Variants in TTLL5 observed in about 807,000 individuals in gnomAD.
TTLL5 encodes the protein tubulin tyrosine ligase like 5.
In TTLL5, 132 loss-of-function variants were observed where a neutral mutation model predicts 168.4. The observed-to-expected ratio is 0.78, with a 90% CI of 0.68 to 0.91. The LOEUF (loss-of-function observed/expected upper bound fraction) is 0.91, where lower values mean the gene tolerates loss of function less well. Ranked by LOEUF, TTLL5 falls within the 40% of genes least tolerant of loss-of-function variation. The pLI is 0.00. For missense variants in TTLL5, 1,545 were observed against 1,581.5 expected (o/e 0.98, Z 0.39); for synonymous variants, 546 against 558.6 (o/e 0.98, Z 0.32).
intron 30 of TTLL5, among the ~76,000 whole-genome samples, chr14:75,889,462 TC>T (rs1280930638): frequency 6.6e-6 from 1 of 152,186 alleles, no homozygotes; most frequent in Non-Finnish European, 1.5e-5. Flanking sequence ...CTGGAACGTT[TC>T]AATTAAGTCC....
intron 9 of TTLL5, among the ~76,000 whole-genome samples, chr14:75,716,778 CTCTT>C (rs752793017): frequency 2.6e-5 from 4 of 152,204 alleles, no homozygotes; most frequent in African/African-American, 7.2e-5. Flanking sequence ...GGAAAGTTCT[CTCTT>C]TCCCTGGTTA....
At chr14:75,744,052 G>A (rs548015200) in intron 15 of TTLL5, among the ~76,000 whole-genome samples, 23 of 152,198 alleles carry the variant, frequency 1.5e-4, no homozygotes, top group South Asian at 1.2e-3. Flanking sequence ...CCATAACAAC[G>A]GGTGTTGCTA....
At chr14:75,722,312 C>T (rs1887891721) in intron 12 of TTLL5, among the ~76,000 whole-genome samples, 1 of 152,046 alleles carries the variant, frequency 6.6e-6, no homozygotes, top group Non-Finnish European at 1.5e-5. Context: ...GTGGCATGAT[C>T]ACCGTTCACT....
At chr14:75,671,704 A>G (rs904802625) in intron 3 of TTLL5, among the ~76,000 whole-genome samples, 1 of 152,230 alleles carries the variant, frequency 6.6e-6, no homozygotes, top group Admixed American at 6.5e-5. Context: ...GCTAGTGTAT[A>G]GAAATACACC....
At chr14:75,931,140 G>T (rs763539090) in intron 31 of TTLL5, among the ~76,000 whole-genome samples, 2 of 152,114 alleles carry the variant, frequency 1.3e-5, no homozygotes, top group African/African-American at 4.8e-5. Context: ...GCACAATTCT[G>T]GGGCACCATA....
At chr14:75,750,267 T>C (rs1261291338) in intron 17 of TTLL5, among the ~76,000 whole-genome samples, 1 of 151,938 alleles carries the variant, frequency 6.6e-6, no homozygotes, top group Non-Finnish European at 1.5e-5. Flanking sequence ...TACAGCAGGG[T>C]GGACTTGACC....
chr14:75,920,395 A>G (rs1466545642), intron 31 of TTLL5, among the ~76,000 whole-genome samples: 2 of 151,854 alleles, frequency 1.3e-5, no homozygotes, highest in Non-Finnish European at 2.9e-5. Flanking sequence ...TTCCTCCCCC[A>G]GTTCCCCACC....
At chr14:75,701,918 C>T (rs1886304194) in intron 7 of TTLL5, among the ~76,000 whole-genome samples, 2 of 152,154 alleles carry the variant, frequency 1.3e-5, no homozygotes, top group African/African-American at 4.8e-5. Context: ...TTCTGTCCTT[C>T]CACTGGAACT....
chr14:75,743,575 C>CTTTTT lies in TTLL5; in HGVS notation c.1282-1500_1282-1496dup, dbSNP rs33959405. 3.0e-3 allele frequency among the ~76,000 whole-genome samples: 189 copies of CTTTTT among 63,096 alleles called. 7 individuals are homozygous for CTTTTT. Among genetic ancestry groups the CTTTTT allele is most frequent in the African/African-American group, 4.2e-3 (60 of 14,416 alleles). 41.4% of individuals were successfully genotyped at this position (63,096 alleles called of 152,430 possible). A position where few individuals can be genotyped will look rare whatever the true frequency, so the allele number is the denominator to read the frequency against. On this transcript the variant is annotated intron_variant, in intron 15 of 31. Coordinates refer to ENST00000298832, the MANE Select transcript of TTLL5 (RefSeq NM_015072.5). ...TGAGATCAAACTCTCTGGCATCGCT[C>CTTTTT]TTTTTTTTTTTTTTTTTTTTTTTTG...
chr14:75,773,471 CA>C (rs916920741), intron 21 of TTLL5, among the ~76,000 whole-genome samples: 10 of 152,058 alleles, frequency 6.6e-5, no homozygotes, highest in African/African-American at 2.4e-4. Context: ...AAAAATAGTT[CA>C]AAAAAGAATA....
chr14:75,846,483 A>G (rs2360036), intron 28 of TTLL5, among the ~76,000 whole-genome samples: 134,400 of 152,216 alleles, frequency 0.88, 59,442 homozygotes, highest in South Asian at 0.92. Context: ...TATCATGATA[A>G]GATGTAAAGA....
intron 28 of TTLL5, among the ~76,000 whole-genome samples, chr14:75,830,010 T>A (rs1333427271): frequency 6.6e-6 from 1 of 152,146 alleles, no homozygotes; most frequent in African/African-American, 2.4e-5. Flanking sequence ...AAATGAGAAA[T>A]AGTAGAAAAG....
chr14:75,788,995 C>T (rs1237803248), intron 26 of TTLL5, among the ~76,000 whole-genome samples: 1 of 151,968 alleles, frequency 6.6e-6, no homozygotes, highest in African/African-American at 2.4e-5. Flanking sequence ...AAGAAAAAAC[C>T]ATATTCTTCA....
intron 31 of TTLL5, among the ~76,000 whole-genome samples, chr14:75,905,132 C>T (rs1402730496): frequency 2.0e-5 from 3 of 152,190 alleles, no homozygotes; most frequent in Non-Finnish European, 4.4e-5. Flanking sequence ...GAACAACTCT[C>T]ATAATAAGTC....
rs1890705888 is a variant in TTLL5 at position 75,661,365 on chromosome 14, C to G, written c.-118C>G. The G allele has an allele frequency of 6.6e-6, 1 of 152,172 alleles. No individual in the cohort carries two copies. The highest frequency in any genetic ancestry group is 1.5e-5 in the Non-Finnish European group (1 of 68,126). 9.4% of individuals were successfully genotyped at this position (152,172 alleles called of 1,614,324 possible). A position where few individuals can be genotyped will look rare whatever the true frequency, so the allele number is the denominator to read the frequency against. ...GAGCGCGGTCCACGCCTGCTCGCCC[C>G]GAACCATGGGAAGATGAGACAGGTA... On this transcript the variant is annotated 5_prime_UTR_variant, in exon 1 of 32. Transcript: ENST00000298832.
intron 2 of TTLL5, among the ~76,000 whole-genome samples, chr14:75,666,211 G>C (rs941352220): frequency 6.6e-6 from 1 of 152,182 alleles, no homozygotes; most frequent in Non-Finnish European, 1.5e-5. Context: ...ATAAATCATC[G>C]GAAGATGTTG....
At chr14:75,726,093 T>G (rs552193378) in intron 12 of TTLL5, among the ~76,000 whole-genome samples, 1 of 152,350 alleles carries the variant, frequency 6.6e-6, no homozygotes, top group Non-Finnish European at 1.5e-5. Context: ...AGCTGGGACT[T>G]TATTTCTGGG....
At chr14:75,680,584 T>A (rs563712484) in intron 3 of TTLL5, among the ~76,000 whole-genome samples, 9 of 151,884 alleles carry the variant, frequency 5.9e-5, no homozygotes, top group African/African-American at 2.2e-4. Flanking sequence ...TAATCAGCAT[T>A]ATAGGATACA....
chr14:75,844,447 T>C (rs758186962), intron 28 of TTLL5, among the ~76,000 whole-genome samples: 3 of 152,236 alleles, frequency 2.0e-5, no homozygotes, highest in Non-Finnish European at 4.4e-5. Flanking sequence ...AGAAAATCTT[T>C]AGCAGGGGCT....
Sources: gnomAD v4.1 joint callset for allele counts (sites outside exome capture counted in the v4.1 genomes callset) on GRCh38, gnomAD v4.1.1 for gene constraint, MANE v1.5 for transcripts, NCBI Gene and HGNC (gene_info 2026-07-23, HGNC 2026-07-21) for gene names.